The following UHRF2 variants were observed in gnomAD, a reference collection of about 807,000 sequenced individuals.
The protein encoded by UHRF2 is ubiquitin like with PHD and ring finger domains 2.
Under a neutral mutation model 96.8 loss-of-function variants are expected in UHRF2, and 23 were observed. The observed-to-expected ratio is 0.24, with a 90% CI of 0.17 to 0.34. The LOEUF (loss-of-function observed/expected upper bound fraction) is 0.34, where lower values mean the gene tolerates loss of function less well. Ranked by LOEUF, UHRF2 falls within the 10% of genes least tolerant of loss-of-function variation. The pLI, the probability that UHRF2 is intolerant of heterozygous loss-of-function variation, is 1.00. For synonymous variants in UHRF2, 385 were observed against 332.6 expected, an observed-to-expected ratio of 1.16 and a Z score of -1.72; for missense variants, 685 against 981.5, an observed-to-expected ratio of 0.70 and a Z score of 4.04.
At chr9:6,473,726 A>C (rs1240095123) in intron 4 of UHRF2, among the ~76,000 whole-genome samples, 1 of 152,186 alleles carries the variant, frequency 6.6e-6, no homozygotes, top group Non-Finnish European at 1.5e-5. Context: ...TGTCACAACT[A>C]CTTAACTCCC....
At position 6,486,805 on chromosome 9, in the gene UHRF2, T is replaced by C. The variant is rs754887595; in HGVS notation, c.1393-16T>C. 6.2e-7 allele frequency: 1 copy of C among 1,612,914 alleles called. No individual in the cohort carries two copies. The highest frequency in any genetic ancestry group is 8.5e-7 in the Non-Finnish European group (1 of 1,179,206). On this transcript the variant is annotated splice_polypyrimidine_tract_variant and intron_variant, in intron 8 of 15. Transcript: ENST00000276893. ...TGTTCAGAGGTATTTTGAGACTCTC[T>C]TTAATTGTTTTATAGGTGAGCGAAG...
At position 6,499,891 on chromosome 9, in the gene UHRF2, G is replaced by A; in HGVS notation, c.1965G>A (p.Lys655=). 1 of 1,612,654 alleles carries A rather than the reference G, an allele frequency of 6.2e-7. No homozygotes were observed. Among genetic ancestry groups the A allele is most frequent in the Non-Finnish European group, 8.5e-7 (1 of 1,179,198 alleles). Residue 655 remains lysine (K), a synonymous_variant, in exon 13 of 16, where the codon AAG becomes AAA. Coordinates refer to ENST00000276893, the MANE Select transcript of UHRF2 (RefSeq NM_152896.3). ...KEGKKPKGQS[K]KQPSGTTKRP... is the part of the protein sequence containing the mutation. Reference sequence around the variant, plus strand: ...GGAAGAAGCCTAAAGGACAGTCAAAGAAGCAGCCCAGTGGAACCACAAAAA... The same window carrying A: ...GGAAGAAGCCTAAAGGACAGTCAAAAAAGCAGCCCAGTGGAACCACAAAAA...
intron 2 of UHRF2, among the ~76,000 whole-genome samples, chr9:6,421,382 TAAG>T (rs1441388869): frequency 2.0e-5 from 3 of 152,202 alleles, no homozygotes; most frequent in Admixed American, 6.5e-5. Flanking sequence ...GCACCAAGGT[TAAG>T]AAGTAGATTG....
chr9:6,504,791 G>C lies in UHRF2; in HGVS notation c.2262+100G>C, dbSNP rs995826613. 5.8e-6 allele frequency: 5 copies of C among 858,418 alleles called. No individual in the cohort carries two copies. In the Admixed American group the frequency reaches 8.5e-5, roughly 15 times the overall value. 53.2% of individuals were successfully genotyped at this position (858,418 alleles called of 1,614,324 possible). On this transcript the variant is annotated intron_variant, in intron 15 of 15. Transcript: ENST00000276893. ...CTAAGAAGCATTTTCCGTGAAGCGG[G>C]ATAGTTGCGGAACCTTCTAGTTAAG...
intron 9 of UHRF2, 27 bp downstream of exon 9, chr9:6,486,952 T>C (rs780042443): frequency 1.2e-6 from 2 of 1,601,870 alleles, no homozygotes; most frequent in Non-Finnish European, 1.7e-6. Flanking sequence ...CCTTACTCAT[T>C]AGTACCTGCC....
At position 6,500,725 on chromosome 9, in the gene UHRF2, T is replaced by G; in HGVS notation, c.2163+16T>G. 1 of 1,592,466 alleles carries G rather than the reference T, an allele frequency of 6.3e-7. No individual in the cohort carries two copies. Among genetic ancestry groups the G allele is most frequent in the South Asian group, 1.2e-5 (1 of 86,774 alleles). On this transcript the variant is annotated intron_variant, in intron 14 of 15. Transcript: ENST00000276893. The stretch of plus-strand genomic sequence containing the variant: ...GGAAGGACCAGTATGTGAAGATTTT[T>G]TTAAATAATAACATTCTGATATTAA...
chr9:6,413,763 G>T (rs1395900330), intron 1 of UHRF2, 120 bp downstream of exon 1: 8 of 1,238,406 alleles, frequency 6.5e-6, no homozygotes, highest in Non-Finnish European at 7.2e-6. Context: ...GCTCCGCTGC[G>T]GGTGGGCAGC....
intron 1 of UHRF2, among the ~76,000 whole-genome samples, chr9:6,419,737 T>G (rs550432818): frequency 6.6e-6 from 1 of 152,166 alleles, no homozygotes; most frequent in East Asian, 1.9e-4. Context: ...TTTTGGGATT[T>G]ATTTATTTAT....
intron 3 of UHRF2, among the ~76,000 whole-genome samples, chr9:6,456,414 T>G (rs932887683): frequency 6.6e-6 from 1 of 152,212 alleles, no homozygotes; most frequent in African/African-American, 2.4e-5. Flanking sequence ...TTAAGTTCTT[T>G]GTAGATTCTG....
Position 6,460,642 on chromosome 9 carries a change from A to G in UHRF2, c.714A>G (p.Lys238=). The change falls in exon 4 of 16, where the codon AAA becomes AAG. Residue 238 remains lysine, a synonymous_variant. Coordinates refer to ENST00000276893, the MANE Select transcript of UHRF2 (RefSeq NM_152896.3). ...DLRPRARTIL[K]WNELNVGDVV... ...GACCACGAGCTAGAACCATTTTGAA[A>G]TGGAATGAACTAAATGTTGGTGATG... 6.2e-7 allele frequency: 1 copy of G among 1,613,408 alleles called. No individual in the cohort carries two copies. Among genetic ancestry groups the G allele is most frequent in the Non-Finnish European group, 8.5e-7 (1 of 1,179,818 alleles).
chr9:6,428,582 A>G (rs572856226), intron 2 of UHRF2, among the ~76,000 whole-genome samples: 1 of 86,710 alleles, frequency 1.2e-5, no homozygotes, highest in Admixed American at 1.8e-4. Context: ...GAACGATCTC[A>G]TTCTGTCACT....
intron 3 of UHRF2, among the ~76,000 whole-genome samples, chr9:6,451,825 C>T (rs1410953358): frequency 6.6e-6 from 1 of 151,088 alleles, no homozygotes; most frequent in Non-Finnish European, 1.5e-5. Context: ...CAGTCTGTCA[C>T]CAGGCTGGAG....
At chr9:6,493,693 AT>A (rs1447454573) in intron 9 of UHRF2, 132 bp from the exon 10 acceptor site, 13 of 698,656 alleles carry the variant, frequency 1.9e-5, no homozygotes, top group Admixed American at 3.0e-5. Flanking sequence ...TAAATTTTGC[AT>A]TATTTTGGGA....
chr9:6,475,566 G>A lies in UHRF2; in HGVS notation c.973+66G>A, dbSNP rs1318145645. 4 of 832,048 alleles carry A rather than the reference G, an allele frequency of 4.8e-6. No individual in the cohort carries two copies. The African/African-American group carries it at 5.3e-5, about 11-fold the overall frequency. The allele number at this position is 832,048 out of a possible 1,614,324, so 51.5% of individuals were successfully genotyped here. Reference sequence around the variant, plus strand: ...ACATGATTGAACTTTATTTTTACTGGTCAGTGAATAACTTGGAAGGAAGTA... The same window carrying A: ...ACATGATTGAACTTTATTTTTACTGATCAGTGAATAACTTGGAAGGAAGTA... On this transcript the variant is annotated intron_variant, in intron 5 of 15. Transcript: ENST00000276893.
intron 2 of UHRF2, among the ~76,000 whole-genome samples, chr9:6,424,482 T>G (rs888448293): frequency 1.3e-5 from 2 of 152,198 alleles, no homozygotes; most frequent in Admixed American, 6.5e-5. Context: ...TTTTTTACAT[T>G]ATTACTTTTT....
chr9:6,503,130 G>C (rs1816387787), intron 14 of UHRF2, among the ~76,000 whole-genome samples: 1 of 152,032 alleles, frequency 6.6e-6, no homozygotes, highest in South Asian at 2.1e-4. Context: ...AAGTAGCTGG[G>C]ATTGCAGGCA....
chr9:6,451,502 G>T (rs1368064927), intron 3 of UHRF2, among the ~76,000 whole-genome samples: 9 of 150,472 alleles, frequency 6.0e-5, no homozygotes, highest in Non-Finnish European at 1.0e-4. Context: ...TTTTTGAGAC[G>T]GAGTCTCGCT....
At chr9:6,484,858 A>G (rs1480410049) in intron 8 of UHRF2, among the ~76,000 whole-genome samples, 3 of 139,434 alleles carry the variant, frequency 2.2e-5, no homozygotes, top group African/African-American at 5.5e-5. Flanking sequence ...CAGTGGCACA[A>G]TCTCGGCTCA....
rs62566134 is a variant in UHRF2 at position 6,452,276 on chromosome 9, G to T, written c.645-8297G>T. Among the ~76,000 whole-genome samples, 651 of 152,198 alleles carry T rather than the reference G, an allele frequency of 4.3e-3. 3 individuals are homozygous for T. The highest frequency in any genetic ancestry group is 7.1e-3 in the Non-Finnish European group (485 of 68,008). On this transcript the variant is annotated intron_variant, in intron 3 of 15. Transcript: ENST00000276893. ...ATAGCCTTGTGTATCTTTTCATCAG[G>T]ATTTTATTTATGTCCAGGATACAGT...
Sources: gnomAD v4.1 joint callset for allele counts (sites outside exome capture counted in the v4.1 genomes callset) on GRCh38, gnomAD v4.1.1 for gene constraint, MANE v1.5 for transcripts, NCBI Gene and HGNC (gene_info 2026-07-23, HGNC 2026-07-21) for gene names.